LPP: variants seen among roughly 807,000 people sequenced by gnomAD.
LPP encodes lipoma-preferred partner.
Under a neutral mutation model 60.4 loss-of-function variants are expected in LPP, and 38 were observed. That is an observed-to-expected ratio of 0.63 (90% CI 0.49 to 0.83). The LOEUF is 0.83. LPP is among the 40% of genes least tolerant of loss of function. LPP has a pLI of 0.00. For missense variants in LPP, 902 were observed against 783.6 expected, an observed-to-expected ratio of 1.15 and a Z score of -1.80; for synonymous variants, 328 against 290.8, an observed-to-expected ratio of 1.13 and a Z score of -1.30.
intron 6 of LPP, among the ~76,000 whole-genome samples, chr3:188,581,190 G>T (rs1304932143): frequency 6.6e-6 from 1 of 151,878 alleles, no homozygotes; most frequent in Non-Finnish European, 1.5e-5. Flanking sequence ...AGATACCTCA[G>T]GGCAAAAAAA....
Position 188,501,333 on chromosome 3 carries a change from G to T in LPP, c.306+16629G>T, listed in dbSNP as rs1035674494. On this transcript the variant is annotated intron_variant, in intron 5 of 11. Coordinates refer to ENST00000617246, the MANE Select transcript of LPP (RefSeq NM_001375462.1). ...ATTGTTTGTTAAAGAGCATATTATT[G>T]GCTGGATGCAGTGGCTCACACCTGT... Among the ~76,000 whole-genome samples, 15 of 152,172 alleles carry T rather than the reference G, an allele frequency of 9.9e-5. 1 individual carries two copies. In the East Asian group the frequency reaches 2.9e-3, roughly 29 times the overall value.
intron 5 of LPP, among the ~76,000 whole-genome samples, chr3:188,487,795 A>G (rs1258415498): frequency 6.6e-6 from 1 of 152,158 alleles, no homozygotes; most frequent in Non-Finnish European, 1.5e-5. Flanking sequence ...TTAAAACCTC[A>G]TGTTCCCAAG....
At chr3:188,356,085 G>A (rs536747646) in intron 3 of LPP, among the ~76,000 whole-genome samples, 4 of 152,228 alleles carry the variant, frequency 2.6e-5, no homozygotes, top group African/African-American at 4.8e-5. Flanking sequence ...TTAACTTATA[G>A]CGCGGATGTT....
intron 2 of LPP, among the ~76,000 whole-genome samples, chr3:188,295,595 T>C (rs1747596806): frequency 6.6e-6 from 1 of 152,228 alleles, no homozygotes; most frequent in Admixed American, 6.5e-5. Flanking sequence ...TGGAGTGCAG[T>C]GGTGTGATCA....
At chr3:188,811,199 A>G (rs1010635110) in intron 9 of LPP, among the ~76,000 whole-genome samples, 5 of 152,120 alleles carry the variant, frequency 3.3e-5, no homozygotes, top group Non-Finnish European at 7.4e-5. Flanking sequence ...ATAGGATATC[A>G]TTTAGACTGT....
At chr3:188,190,388 T>C (rs16863094) in intron 1 of LPP, among the ~76,000 whole-genome samples, 4,444 of 152,160 alleles carry the variant, frequency 0.029, 179 homozygotes, top group East Asian at 0.14. Context: ...ATGAGGAGAT[T>C]GAGGCTTGGA....
chr3:188,783,565 G>A (rs1260606743), intron 9 of LPP, among the ~76,000 whole-genome samples: 1 of 152,060 alleles, frequency 6.6e-6, no homozygotes, highest in African/African-American at 2.4e-5. Context: ...AGGGTGGAGG[G>A]GGAGAGGAGG....
In LPP at chr3:188,669,507, C is replaced by T. The variant is rs748930430; in HGVS notation, c.1114-38760C>T. On this transcript the variant is annotated intron_variant, in intron 7 of 11. Transcript: ENST00000617246. ...AGGAGAATGGTGTGAACCTGGGAGG[C>T]GGAGCTTGCAGTGAGCCGAGATCGC... Among the ~76,000 whole-genome samples, 173 of 152,052 alleles carry T rather than the reference C, an allele frequency of 1.1e-3. 1 individual carries two copies. Among genetic ancestry groups the T allele is most frequent in the Middle Eastern group, 0.01 (3 of 294 alleles).
At chr3:188,490,750 A>AC (rs1808093398) in intron 5 of LPP, among the ~76,000 whole-genome samples, 1 of 59,302 alleles carries the variant, frequency 1.7e-5, no homozygotes, top group African/African-American at 4.3e-5. Flanking sequence ...CTGGCACTGG[A>AC]ATTTTTTTTT....
At chr3:188,680,745 A>C (rs1560055861) in intron 7 of LPP, among the ~76,000 whole-genome samples, 1 of 152,182 alleles carries the variant, frequency 6.6e-6, no homozygotes, top group East Asian at 1.9e-4. Flanking sequence ...TTACTTAGAA[A>C]TTATCTTTGA....
rs557012282 is a variant in LPP, at chr3:188,379,342, T to TA, written c.-9-26769dup. 9.8e-5 allele frequency among the ~76,000 whole-genome samples: 15 copies of TA among 152,290 alleles called. No homozygotes were observed. In the East Asian group the frequency reaches 2.7e-3, roughly 27 times the overall value. On this transcript the variant is annotated intron_variant, in intron 3 of 11. Coordinates refer to ENST00000617246, the MANE Select transcript of LPP (RefSeq NM_001375462.1). ...TGATAGGGTGGGGAGAATCAATTCT[T>TA]ACAACTTTCGAAGAGACTAGTTGGA...
intron 2 of LPP, among the ~76,000 whole-genome samples, chr3:188,265,870 G>GGTGT (rs55722565): frequency 0.24 from 33,874 of 143,186 alleles, 3,985 homozygotes; most frequent in African/African-American, 0.29. Context: ...GGATTACTCT[G>GGTGT]GTGTGTGTGT....
At chr3:188,507,340 A>G (rs976482811) in intron 5 of LPP, among the ~76,000 whole-genome samples, 1 of 152,112 alleles carries the variant, frequency 6.6e-6, no homozygotes, top group Non-Finnish European at 1.5e-5. Flanking sequence ...GAAGTTATAT[A>G]CATCTTGAGC....
intron 3 of LPP, among the ~76,000 whole-genome samples, chr3:188,391,254 T>G (rs974508840): frequency 7.9e-5 from 12 of 152,148 alleles, no homozygotes; most frequent in Admixed American, 7.2e-4. Flanking sequence ...GCTGGCTTCC[T>G]CCATATCACT....
intron 7 of LPP, among the ~76,000 whole-genome samples, chr3:188,680,927 T>C (rs1322228144): frequency 6.6e-6 from 1 of 151,634 alleles, no homozygotes; most frequent in Admixed American, 6.6e-5. Context: ...TAAACGGAGC[T>C]GGGAGCATAA....
chr3:188,199,622 G>A lies in LPP; in HGVS notation c.-189-25783G>A, dbSNP rs934621208. Among the ~76,000 whole-genome samples, 5 of 152,164 alleles carry A rather than the reference G, an allele frequency of 3.3e-5. No homozygotes were observed. The East Asian group carries it at 7.7e-4, about 24-fold the overall frequency. ...CATGCTTCATTGTATATGAATTAGC[G>A]TTTATATTGTCCATAAACTAGTTTG... is the stretch of plus-strand genomic sequence containing the variant. On this transcript the variant is annotated intron_variant, in intron 1 of 11. Coordinates refer to ENST00000617246, the MANE Select transcript of LPP (RefSeq NM_001375462.1).
At chr3:188,582,750 T>G (rs979018568) in intron 6 of LPP, among the ~76,000 whole-genome samples, 1 of 152,238 alleles carries the variant, frequency 6.6e-6, no homozygotes, top group Admixed American at 6.5e-5. Flanking sequence ...CTCAGGAATT[T>G]TTTCCACTCC....
At chr3:188,214,584 A>G (rs1171141145) in intron 1 of LPP, among the ~76,000 whole-genome samples, 1 of 152,126 alleles carries the variant, frequency 6.6e-6, no homozygotes, top group African/African-American at 2.4e-5. Flanking sequence ...AGTTTTAAAG[A>G]GAGGGGAAGC....
intron 6 of LPP, among the ~76,000 whole-genome samples, chr3:188,587,479 G>A (rs1222553076): frequency 6.6e-6 from 1 of 152,128 alleles, no homozygotes; most frequent in Non-Finnish European, 1.5e-5. Flanking sequence ...CAAAACCAGA[G>A]TGCCAGATGT....
Sources: gnomAD v4.1 joint callset for allele counts (sites outside exome capture counted in the v4.1 genomes callset) on GRCh38, gnomAD v4.1.1 for gene constraint, MANE v1.5 for transcripts, NCBI Gene and HGNC (gene_info 2026-07-23, HGNC 2026-07-21) for gene names.